The following RSPH14 variants were observed in gnomAD, a reference collection of about 807,000 sequenced individuals.
The protein encoded by RSPH14 is radial spoke head 14 homolog, also known as rhabdoid tumor deletion region gene 1.
Under a neutral mutation model 26.7 loss-of-function variants are expected in RSPH14, and 20 were observed. The observed-to-expected ratio is 0.75, with a 90% CI of 0.53 to 1.09. The LOEUF (loss-of-function observed/expected upper bound fraction) is 1.09. Among genes scored for constraint, RSPH14 ranks in the 50% least tolerant of loss-of-function variants. The pLI is 0.00. For synonymous variants in RSPH14, 177 were observed against 189.3 expected (o/e 0.93, Z 0.53); for missense variants, 449 against 457.2 (o/e 0.98, Z 0.16).
intron 4 of RSPH14, among the ~76,000 whole-genome samples, chr22:23,081,521 A>T (rs1383229411): frequency 7.1e-6 from 1 of 139,870 alleles, no homozygotes; most frequent in African/African-American, 3.4e-5. Flanking sequence ...TAGGCCAATC[A>T]GGTTATAGGC....
At chr22:23,079,747 A>G (rs1408684904) in intron 4 of RSPH14, among the ~76,000 whole-genome samples, 1 of 152,098 alleles carries the variant, frequency 6.6e-6, no homozygotes, top group Non-Finnish European at 1.5e-5. Context: ...GAGTGGTAGA[A>G]TTCTGGACAG....
intron 4 of RSPH14, among the ~76,000 whole-genome samples, chr22:23,069,202 G>C (rs1312670584): frequency 6.6e-6 from 1 of 152,240 alleles, no homozygotes; most frequent in Non-Finnish European, 1.5e-5. Flanking sequence ...ATGATGGAGA[G>C]ACCGCTCCAT....
chr22:23,081,896 C>T (rs1482861647), intron 4 of RSPH14, among the ~76,000 whole-genome samples: 11 of 148,902 alleles, frequency 7.4e-5, no homozygotes, highest in East Asian at 4.0e-4. Flanking sequence ...GGGGCCGAGG[C>T]GGGCGGATCA....
At chr22:23,105,335 T>C (rs1295698869) in intron 4 of RSPH14, among the ~76,000 whole-genome samples, 5 of 152,354 alleles carry the variant, frequency 3.3e-5, no homozygotes, top group East Asian at 1.9e-4. Flanking sequence ...AACCCAAATA[T>C]GTTTTTTTAA....
intron 4 of RSPH14, chr22:23,124,271 T>C: frequency 5.3e-6 from 1 of 190,388 alleles, no homozygotes; most frequent in Non-Finnish European, 1.2e-5. Flanking sequence ...ATCCAGAAAA[T>C]TTCAAATGCA....
At position 23,120,086 on chromosome 22, in the gene RSPH14, T is replaced by TA. The variant is rs751188300; in HGVS notation, c.421+13939dup. Among the ~76,000 whole-genome samples, 185 of 152,310 alleles carry TA rather than the reference T, an allele frequency of 1.2e-3. 1 individual carries two copies. Among genetic ancestry groups the TA allele is most frequent in the Middle Eastern group, 3.4e-3 (1 of 294 alleles). On this transcript the variant is annotated intron_variant, in intron 4 of 6. Coordinates refer to ENST00000216036, the MANE Select transcript of RSPH14 (RefSeq NM_014433.3). ...GGCTGCCGCAGTGGCGGAATCCTGATAAGAGTGTACTGTGAGGCACCGTGC... is the reference window on the plus strand; with the variant it reads ...GGCTGCCGCAGTGGCGGAATCCTGATAAAGAGTGTACTGTGAGGCACCGTGC...
intron 4 of RSPH14, among the ~76,000 whole-genome samples, chr22:23,130,890 G>A (rs1368848445): frequency 6.6e-6 from 1 of 152,264 alleles, no homozygotes; most frequent in African/African-American, 2.4e-5. Flanking sequence ...CTGGAGGCCA[G>A]AGGCTGGGCT....
the RSPH14 span, among the ~76,000 whole-genome samples, chr22:23,169,942 T>C: frequency 6.6e-6 from 1 of 151,832 alleles, no homozygotes; most frequent in East Asian, 1.9e-4. Flanking sequence ...ACAAAAACTA[T>C]AAAAATTAGC....
At chr22:23,087,664 G>A (rs925165333) in intron 4 of RSPH14, among the ~76,000 whole-genome samples, 6 of 152,176 alleles carry the variant, frequency 3.9e-5, no homozygotes, top group Non-Finnish European at 5.9e-5. Flanking sequence ...GTGGATGGGG[G>A]GTAGCCAGTG....
At chr22:23,170,665 G>A in the RSPH14 span, among the ~76,000 whole-genome samples, 11 of 151,932 alleles carry the variant, frequency 7.2e-5, no homozygotes, top group Middle Eastern at 3.4e-3. Context: ...CCCAGGAGGC[G>A]GAGGTTGCAG....
At chr22:23,100,184 T>G (rs2069255142) in intron 4 of RSPH14, among the ~76,000 whole-genome samples, 1 of 152,290 alleles carries the variant, frequency 6.6e-6, no homozygotes, top group East Asian at 1.9e-4. Context: ...CACAGGGAAC[T>G]GGGGGACAAG....
the RSPH14 span, among the ~76,000 whole-genome samples, chr22:23,157,757 C>G: frequency 2.0e-5 from 3 of 152,230 alleles, no homozygotes; most frequent in Non-Finnish European, 2.9e-5. Flanking sequence ...CCTACCTTGT[C>G]CTGCCTCCCT....
At chr22:23,112,761 G>A (rs967846591) in intron 4 of RSPH14, among the ~76,000 whole-genome samples, 4 of 152,118 alleles carry the variant, frequency 2.6e-5, no homozygotes, top group Non-Finnish European at 2.9e-5. Flanking sequence ...AGCCAGAGAC[G>A]GACACCAAGG....
intron 4 of RSPH14, among the ~76,000 whole-genome samples, chr22:23,128,198 T>A (rs1422072393): frequency 2.0e-5 from 3 of 152,148 alleles, no homozygotes; most frequent in Non-Finnish European, 4.4e-5. Flanking sequence ...TAGAGAAGAA[T>A]TGTCAATTTC....
upstream of RSPH14, among the ~76,000 whole-genome samples, chr22:23,144,199 T>C (rs555846599): frequency 6.6e-6 from 1 of 151,486 alleles, no homozygotes; most frequent in African/African-American, 2.4e-5. Flanking sequence ...CCCCACAGCT[T>C]AATCTTCCCT....
chr22:23,130,486 G>A (rs1444841073), intron 4 of RSPH14, among the ~76,000 whole-genome samples: 3 of 12,656 alleles, frequency 2.4e-4, no homozygotes, highest in East Asian at 0.083. Context: ...GAGAAAGAAA[G>A]AAGGAAAGAA....
chr22:23,062,208 G>T (rs1312320091), intron 5 of RSPH14, among the ~76,000 whole-genome samples: 1 of 152,176 alleles, frequency 6.6e-6, no homozygotes, highest in African/African-American at 2.4e-5. Flanking sequence ...AAAGAAATAG[G>T]GCATGTTCTC....
intron 4 of RSPH14, chr22:23,070,310 C>G (rs574856830): frequency 9.6e-5 from 14 of 145,572 alleles, no homozygotes; most frequent in Non-Finnish European, 1.7e-4. Flanking sequence ...GGCTCCGCCC[C>G]CTGCCGGCGG....
At chr22:23,070,226 G>C (rs948419139) in intron 4 of RSPH14, 1 of 150,652 alleles carries the variant, frequency 6.6e-6, no homozygotes, top group South Asian at 2.1e-4. Context: ...GGGCGGAGGT[G>C]CCCGGCGCGT....
Sources: gnomAD v4.1 joint callset for allele counts (sites outside exome capture counted in the v4.1 genomes callset) on GRCh38, gnomAD v4.1.1 for gene constraint, MANE v1.5 for transcripts, NCBI Gene and HGNC (gene_info 2026-07-23, HGNC 2026-07-21) for gene names.